The following DNAH14 variants were observed in gnomAD, a reference collection of about 807,000 sequenced individuals.
DNAH14 encodes axonemal beta dynein heavy chain 14.
DNAH14 carries 478 observed loss-of-function variants against 520.9 expected under a neutral mutation model. The observed-to-expected ratio is 0.92, with a 90% CI of 0.85 to 0.99. DNAH14 has a LOEUF of 0.99. DNAH14 is among the 50% of genes least tolerant of loss of function. DNAH14 has a pLI of 0.00. For missense variants in DNAH14, 4,831 were observed against 5,234.5 expected, an observed-to-expected ratio of 0.92 and a Z score of 2.38; for synonymous variants, 1,581 against 1,757.2, an observed-to-expected ratio of 0.90 and a Z score of 2.51.
rs184326826 is a variant in DNAH14, at chr1:225,091,691, G to A, written c.3574-5427G>A. On this transcript the variant is annotated intron_variant, in intron 21 of 85. Coordinates refer to ENST00000682510, the MANE Select transcript of DNAH14 (RefSeq NM_001367479.1). ...ACACAATCAAGTCTGAATAATACCC[G>A]GCCAACAACACAATGACAGAATCAA... 6.6e-5 allele frequency among the ~76,000 whole-genome samples: 10 copies of A among 151,922 alleles called. No individual in the cohort carries two copies. The East Asian group carries it at 1.2e-3, about 18-fold the overall frequency.
At chr1:225,117,654 C>A in intron 23 of DNAH14, 30 bp from the exon 24 acceptor site, 2 of 1,345,252 alleles carry the variant, frequency 1.5e-6, no homozygotes, top group Non-Finnish European at 2.1e-6. Context: ...AGCATATATT[C>A]TGAATTGCAT....
At chr1:225,258,546 G>A (rs931512805) in intron 45 of DNAH14, among the ~76,000 whole-genome samples, 8 of 152,174 alleles carry the variant, frequency 5.3e-5, no homozygotes, top group East Asian at 1.9e-4. Flanking sequence ...CTTTTAATGC[G>A]TATTTCAACC....
chr1:225,237,132 C>T (rs963793911), intron 42 of DNAH14, among the ~76,000 whole-genome samples: 1 of 151,840 alleles, frequency 6.6e-6, no homozygotes, highest in Non-Finnish European at 1.5e-5. Context: ...ACCAATGGGT[C>T]TTGTGTGAAT....
At chr1:225,138,706 G>T (rs546770602) in intron 27 of DNAH14, among the ~76,000 whole-genome samples, 26 of 152,266 alleles carry the variant, frequency 1.7e-4, no homozygotes, top group African/African-American at 6.0e-4. Context: ...CCCGGGTGGG[G>T]TTGCACAGTC....
At chr1:225,089,962 A>T (rs965984801) in intron 21 of DNAH14, among the ~76,000 whole-genome samples, 1 of 152,190 alleles carries the variant, frequency 6.6e-6, no homozygotes, top group Admixed American at 6.5e-5. Context: ...CAGCCAGTGT[A>T]CTGAAGTAAG....
intron 1 of DNAH14, among the ~76,000 whole-genome samples, chr1:224,935,151 A>G (rs2058946295): frequency 6.6e-6 from 1 of 151,788 alleles, no homozygotes; most frequent in African/African-American, 2.4e-5. Flanking sequence ...TCACCAAACC[A>G]CAACAACAAA....
rs2094293451 is a variant in DNAH14, at chr1:225,308,418, T to G, written c.9240+8T>G. The G allele has an allele frequency of 6.7e-7, 1 of 1,502,886 alleles. No individual in the cohort carries two copies. The highest frequency in any genetic ancestry group is 1.3e-5 in the South Asian group (1 of 75,408). 93.1% of individuals were successfully genotyped at this position (1,502,886 alleles called of 1,614,324 possible). A position where few individuals can be genotyped will look rare whatever the true frequency, so the allele number is the denominator to read the frequency against. On this transcript the variant is annotated splice_region_variant and intron_variant, in intron 60 of 85. Coordinates refer to ENST00000682510, the MANE Select transcript of DNAH14 (RefSeq NM_001367479.1). Reference sequence around the variant, plus strand: ...GTGGAAGATTATGCTCAGGTAAAATTAAAATATTGTCAATAAAAATAATTT... The same window carrying G: ...GTGGAAGATTATGCTCAGGTAAAATGAAAATATTGTCAATAAAAATAATTT...
intron 82 of DNAH14, 148 bp downstream of exon 82, chr1:225,388,639 T>C (rs919640401): frequency 3.8e-6 from 2 of 522,828 alleles, no homozygotes; most frequent in African/African-American, 3.7e-5. Flanking sequence ...CTGTTTGAGC[T>C]GAGAAAGTGG....
rs115485456 is a variant in DNAH14, at chr1:225,193,385, T to C, written c.5886+474T>C. Among the ~76,000 whole-genome samples, 760 of 152,130 alleles carry C rather than the reference T, an allele frequency of 5.0e-3. 6 individuals carry two copies. The highest frequency in any genetic ancestry group is 0.017 in the African/African-American group (717 of 41,518). Reference sequence around the variant, plus strand: ...TAGATAAAACACATTAACAAAAAGATGATGTTTAAAACCAAACAGAGAAGC... The same window carrying C: ...TAGATAAAACACATTAACAAAAAGACGATGTTTAAAACCAAACAGAGAAGC... On this transcript the variant is annotated intron_variant, in intron 38 of 85. Transcript: ENST00000682510.
intron 22 of DNAH14, among the ~76,000 whole-genome samples, chr1:225,100,237 A>G (rs1166122653): frequency 6.6e-6 from 1 of 152,134 alleles, no homozygotes; most frequent in Non-Finnish European, 1.5e-5. Context: ...ATAGAACTTC[A>G]GTGTTTTTAT....
chr1:225,276,204 TGA>T (rs1190254625), intron 53 of DNAH14, 123 bp downstream of exon 53: 1 of 169,576 alleles, frequency 5.9e-6, no homozygotes, highest in Non-Finnish European at 1.4e-5. Flanking sequence ...TGTTTGTGTG[TGA>T]GAGAGAGCAA....
intron 17 of DNAH14, among the ~76,000 whole-genome samples, chr1:225,058,869 A>G (rs1044652990): frequency 3.3e-5 from 5 of 152,042 alleles, no homozygotes; most frequent in African/African-American, 9.7e-5. Context: ...CCTGAGTTCT[A>G]GTTTGATGGC....
intron 11 of DNAH14, among the ~76,000 whole-genome samples, chr1:225,035,508 T>G (rs12064191): frequency 8.1e-5 from 11 of 135,886 alleles, no homozygotes; most frequent in Non-Finnish European, 1.3e-4. Context: ...AGTTTTTTTT[T>G]GTTTTTTTTT....
At chr1:225,277,812 AT>A (rs1177962456) in intron 54 of DNAH14, among the ~76,000 whole-genome samples, 1 of 152,198 alleles carries the variant, frequency 6.6e-6, no homozygotes, top group African/African-American at 2.4e-5. Flanking sequence ...TTGATTATTG[AT>A]TTAGAAATGT....
intron 43 of DNAH14, among the ~76,000 whole-genome samples, 191 bp downstream of exon 43, chr1:225,241,013 G>A (rs2091931936): frequency 6.6e-6 from 1 of 152,022 alleles, no homozygotes; most frequent in African/African-American, 2.4e-5. Context: ...TTGGTTTTAG[G>A]TGCTACGAAA....
chr1:225,106,930 C>T (rs549961268), intron 23 of DNAH14, among the ~76,000 whole-genome samples: 15 of 152,282 alleles, frequency 9.9e-5, no homozygotes, highest in East Asian at 5.8e-4. Context: ...TGAGGAGCTG[C>T]GTTTCTTTGG....
chr1:225,123,583 T>TA lies in DNAH14; in HGVS notation c.4224dup (p.Ser1409IlefsTer17). The TA allele has an allele frequency of 2.3e-6, 1 of 433,562 alleles. No individual in the cohort carries two copies. Among genetic ancestry groups the TA allele is most frequent in the Middle Eastern group, 3.4e-4 (1 of 2,954 alleles). The allele number at this position is 433,562 out of a possible 1,614,324, so 26.9% of individuals were successfully genotyped here. A position where few individuals can be genotyped will look rare whatever the true frequency, so the allele number is the denominator to read the frequency against. On this transcript the variant is annotated frameshift_variant, in exon 27 of 86. Transcript: ENST00000682510. LOFTEE classifies it high-confidence loss of function. ...TGCCAGATGTTTTCCCAATGGGTGTTATCTCATCCAGGACAAGTGGTACTT... is the reference window on the plus strand; with the variant it reads ...TGCCAGATGTTTTCCCAATGGGTGTTAATCTCATCCAGGACAAGTGGTACTT...
intron 1 of DNAH14, among the ~76,000 whole-genome samples, chr1:224,947,635 G>A (rs1034289790): frequency 3.3e-5 from 5 of 151,740 alleles, no homozygotes; most frequent in Non-Finnish European, 7.4e-5. Flanking sequence ...TTCTTAATTT[G>A]GATACTTAAT....
At chr1:224,955,971 T>C (rs903452498) in intron 3 of DNAH14, among the ~76,000 whole-genome samples, 1 of 152,154 alleles carries the variant, frequency 6.6e-6, no homozygotes, top group African/African-American at 2.4e-5. Context: ...GATAAGACTC[T>C]TTCAAGGTCA....
Sources: allele counts gnomAD v4.1 joint callset (sites outside exome capture counted in the v4.1 genomes callset), GRCh38; gene constraint gnomAD v4.1.1; transcripts MANE v1.5; gene names NCBI Gene and HGNC (gene_info 2026-07-23, HGNC 2026-07-21).